EVA1A: variants seen among roughly 807,000 people sequenced by gnomAD.
EVA1A encodes protein eva-1 homolog A.
In EVA1A, 7 loss-of-function variants were observed where a neutral mutation model predicts 9.8. The ratio of observed to expected loss-of-function variants is 0.71; its 90% CI spans 0.41 to 1.34. The LOEUF is 1.34. EVA1A is among the 40% of genes most tolerant of loss of function. EVA1A has a pLI of 0.01. For missense variants in EVA1A, 206 were observed against 205.9 expected, an observed-to-expected ratio of 1.00 and a Z score of 0.00; for synonymous variants, 90 against 85.6, an observed-to-expected ratio of 1.05 and a Z score of -0.28.
intron 3 of EVA1A, among the ~76,000 whole-genome samples, chr2:75,503,064 T>C (rs975771322): frequency 2.0e-5 from 3 of 152,158 alleles, no homozygotes; most frequent in Non-Finnish European, 4.4e-5. Flanking sequence ...AAACATCCCC[T>C]TTTGTCTCTA....
intron 1 of EVA1A, among the ~76,000 whole-genome samples, chr2:75,526,434 T>C (rs1383023180): frequency 6.6e-6 from 1 of 152,056 alleles, no homozygotes; most frequent in Non-Finnish European, 1.5e-5. Flanking sequence ...AACCAGATAA[T>C]TTGCTAAGTG....
chr2:75,497,451 G>T (rs1437927313), intron 3 of EVA1A, among the ~76,000 whole-genome samples: 1 of 152,090 alleles, frequency 6.6e-6, no homozygotes, highest in African/African-American at 2.4e-5. Context: ...AATCGTCAGA[G>T]AAATCATGAT....
At chr2:75,559,262 A>G (rs890251617) in intron 1 of EVA1A, among the ~76,000 whole-genome samples, 7 of 152,330 alleles carry the variant, frequency 4.6e-5, no homozygotes, top group African/African-American at 1.4e-4. Flanking sequence ...TACTTACATG[A>G]TGACAGCCAA....
At chr2:75,506,767 A>C (rs1674633762) in intron 3 of EVA1A, among the ~76,000 whole-genome samples, 1 of 152,222 alleles carries the variant, frequency 6.6e-6, no homozygotes, top group Non-Finnish European at 1.5e-5. Context: ...CCAGGACCAG[A>C]AGGTGCCCAG....
intron 1 of EVA1A, among the ~76,000 whole-genome samples, chr2:75,530,825 C>A (rs1675619706): frequency 6.6e-6 from 1 of 152,134 alleles, no homozygotes; most frequent in African/African-American, 2.4e-5. Flanking sequence ...TGAAAGCATT[C>A]CCCCTGAGAA....
rs573979811 is a variant in EVA1A at position 75,503,333 on chromosome 2, T to C, written c.86-9724A>G. ...CTGGTCTTGACCAGATCCAGACAGC[T>C]GTTAATTACCCAGGAAGCAGAGTGG... On this transcript the variant is annotated intron_variant, in intron 3 of 3. Transcript: ENST00000393913. 7.2e-5 allele frequency among the ~76,000 whole-genome samples: 11 copies of C among 152,360 alleles called. No individual in the cohort carries two copies. The South Asian group carries it at 2.3e-3, about 32-fold the overall frequency.
At chr2:75,514,227 A>G (rs1390783695) in intron 3 of EVA1A, among the ~76,000 whole-genome samples, 1 of 152,208 alleles carries the variant, frequency 6.6e-6, no homozygotes, top group Non-Finnish European at 1.5e-5. Flanking sequence ...GACCCAAACC[A>G]GTTGGATATG....
At chr2:75,566,231 A>G (rs546607678) in intron 1 of EVA1A, among the ~76,000 whole-genome samples, 2 of 152,336 alleles carry the variant, frequency 1.3e-5, no homozygotes, top group South Asian at 2.1e-4. Flanking sequence ...ACCTTTTGCC[A>G]AATTTTTATA....
intron 1 of EVA1A, among the ~76,000 whole-genome samples, chr2:75,539,600 G>C (rs182589206): frequency 3.7e-4 from 57 of 152,234 alleles, no homozygotes; most frequent in Admixed American, 3.4e-3. Flanking sequence ...TAGAAATATA[G>C]GTTACAGCTG....
chr2:75,500,744 C>T (rs570102128), intron 3 of EVA1A, among the ~76,000 whole-genome samples: 1 of 149,468 alleles, frequency 6.7e-6, no homozygotes, highest in East Asian at 2.1e-4. Flanking sequence ...CTCCCTCCCT[C>T]CCCTTTTCAA....
chr2:75,520,624 G>A (rs1432152921), intron 2 of EVA1A, among the ~76,000 whole-genome samples: 2 of 152,070 alleles, frequency 1.3e-5, no homozygotes, highest in Admixed American at 1.3e-4. Flanking sequence ...AAACGGTGTT[G>A]GAAAAACTGG....
At chr2:75,500,269 ATGT>A (rs1674366053) in intron 3 of EVA1A, among the ~76,000 whole-genome samples, 1 of 152,216 alleles carries the variant, frequency 6.6e-6, no homozygotes, top group African/African-American at 2.4e-5. Flanking sequence ...AGGCCTAATC[ATGT>A]TGTCAGCTGA....
chr2:75,512,733 A>G (rs995531509), intron 3 of EVA1A, among the ~76,000 whole-genome samples: 1 of 152,116 alleles, frequency 6.6e-6, no homozygotes, highest in Admixed American at 6.5e-5. Flanking sequence ...CCTCAGAACT[A>G]TTGATGTCTT....
At chr2:75,526,135 T>C (rs776823602) in intron 1 of EVA1A, 9 of 152,230 alleles carry the variant, frequency 5.9e-5, no homozygotes, top group African/African-American at 9.6e-5. Context: ...GATTGACTCA[T>C]AGTGCTTCCT....
chr2:75,504,795 G>A (rs757006967), intron 3 of EVA1A, among the ~76,000 whole-genome samples: 18 of 151,842 alleles, frequency 1.2e-4, no homozygotes, highest in African/African-American at 1.9e-4. Context: ...AGGGCTTGTC[G>A]GGGGGTGGGG....
chr2:75,519,513 T>C (rs1675160234), intron 2 of EVA1A, among the ~76,000 whole-genome samples: 1 of 152,152 alleles, frequency 6.6e-6, no homozygotes, highest in Admixed American at 6.5e-5. Flanking sequence ...ATAAAGTCCT[T>C]GGAGCGGCCA....
intron 2 of EVA1A, among the ~76,000 whole-genome samples, chr2:75,521,658 CAGG>C (rs754332745): frequency 1.3e-5 from 2 of 152,162 alleles, no homozygotes; most frequent in Non-Finnish European, 2.9e-5. Flanking sequence ...TTGTCAGGAA[CAGG>C]AGCAGGGAAA....
chr2:75,563,569 A>G (rs1224181862), upstream of EVA1A, among the ~76,000 whole-genome samples: 2 of 152,202 alleles, frequency 1.3e-5, no homozygotes, highest in Non-Finnish European at 1.5e-5. Context: ...ATTTCTTTTA[A>G]TCAACACAGC....
chr2:75,526,407 T>C (rs914252881), intron 1 of EVA1A, among the ~76,000 whole-genome samples: 6 of 152,232 alleles, frequency 3.9e-5, no homozygotes, highest in African/African-American at 1.2e-4. Context: ...TCCACATTTT[T>C]TGAGACCTTT....
Sources: gnomAD v4.1 joint callset for allele counts (sites outside exome capture counted in the v4.1 genomes callset) on GRCh38, gnomAD v4.1.1 for gene constraint, MANE v1.5 for transcripts, NCBI Gene and HGNC (gene_info 2026-07-23, HGNC 2026-07-21) for gene names.